Variants in MAPK6 observed in about 807,000 individuals in gnomAD.
MAPK6 encodes the protein ERK-3.
In MAPK6, 19 loss-of-function variants were observed where a neutral mutation model predicts 59.3. The observed-to-expected ratio is 0.32, with a 90% CI of 0.22 to 0.47. The LOEUF is 0.47. Ranked by LOEUF, MAPK6 falls within the 20% of genes least tolerant of loss-of-function variation. The probability of loss-of-function intolerance (pLI) is 1.00; values close to 1 mark genes in which losing one functional copy is unlikely to be tolerated. For missense variants in MAPK6, 724 were observed against 847.9 expected, an observed-to-expected ratio of 0.85 and a Z score of 1.81; for synonymous variants, 316 against 290.3, an observed-to-expected ratio of 1.09 and a Z score of -0.90.
At chr15:51,991,404 T>C (rs941264490) in intron 2 of MAPK6, among the ~76,000 whole-genome samples, 1 of 152,056 alleles carries the variant, frequency 6.6e-6, no homozygotes, top group South Asian at 2.1e-4. Flanking sequence ...AGATAGAAAA[T>C]TTAGGTCTCA....
intron 3 of MAPK6, among the ~76,000 whole-genome samples, chr15:52,057,461 C>G (rs529744105): frequency 5.9e-5 from 9 of 152,296 alleles, no homozygotes; most frequent in Admixed American, 1.3e-4. Flanking sequence ...GGGCTTCTCT[C>G]CATCTTCCTA....
chr15:52,016,107 C>CACAA (rs1267339787), upstream of MAPK6, among the ~76,000 whole-genome samples: 281 of 136,262 alleles, frequency 2.1e-3, 1 homozygote, highest in East Asian at 6.6e-3. Flanking sequence ...CACACACACA[C>CACAA]AAACTAAAAC....
At chr15:51,979,306 C>T (rs1459101203) in intron 1 of MAPK6, among the ~76,000 whole-genome samples, 1 of 151,434 alleles carries the variant, frequency 6.6e-6, no homozygotes, top group African/African-American at 2.4e-5. Flanking sequence ...AAACTTTGCC[C>T]TAAGCTACAC....
At chr15:51,974,099 G>A (rs1288823766) in intron 1 of MAPK6, among the ~76,000 whole-genome samples, 1 of 151,772 alleles carries the variant, frequency 6.6e-6, no homozygotes, top group Non-Finnish European at 1.5e-5. Context: ...TTTGATTGAA[G>A]TTTATTTTAT....
At chr15:51,995,015 A>AT (rs1399108941) in intron 2 of MAPK6, among the ~76,000 whole-genome samples, 1 of 152,232 alleles carries the variant, frequency 6.6e-6, no homozygotes, top group Non-Finnish European at 1.5e-5. Flanking sequence ...TTAGCAAGAA[A>AT]TACTAAAGTA....
chr15:51,989,995 A>G (rs545858043), intron 2 of MAPK6, among the ~76,000 whole-genome samples: 45 of 152,246 alleles, frequency 3.0e-4, no homozygotes, highest in Non-Finnish European at 2.4e-4. Flanking sequence ...CAGTAGAACC[A>G]AGCATGAGGA....
chr15:51,978,640 G>T (rs865916803), intron 1 of MAPK6, among the ~76,000 whole-genome samples: 1 of 151,390 alleles, frequency 6.6e-6, no homozygotes, highest in Non-Finnish European at 1.5e-5. Flanking sequence ...GAGATTTTTT[G>T]GGGGGATTAC....
intron 3 of MAPK6, among the ~76,000 whole-genome samples, chr15:52,051,604 T>C (rs749478333): frequency 2.4e-4 from 37 of 152,192 alleles, no homozygotes; most frequent in Non-Finnish European, 4.4e-4. Context: ...CTGGGCTCAG[T>C]GTCTCACGCC....
chr15:52,003,237 G>A (rs941586453), intron 2 of MAPK6, among the ~76,000 whole-genome samples: 2 of 152,006 alleles, frequency 1.3e-5, no homozygotes, highest in Non-Finnish European at 2.9e-5. Context: ...GATCTCGTGA[G>A]AACTCATTCA....
intron 2 of MAPK6, among the ~76,000 whole-genome samples, chr15:51,997,366 G>A (rs987837516): frequency 6.6e-6 from 1 of 150,920 alleles, no homozygotes; most frequent in Admixed American, 6.6e-5. Flanking sequence ...CTGCCTCCCG[G>A]GTTCAAATGA....
In MAPK6 at chr15:51,975,265, G is replaced by A. The variant is rs141827612; in HGVS notation, c.-880+3359G>A. ...TAATCAAAAAAATACTCAACAGGCCGGGCGCGGTGGCTCACGCCTGTAATC... is the reference window on the plus strand; with the variant it reads ...TAATCAAAAAAATACTCAACAGGCCAGGCGCGGTGGCTCACGCCTGTAATC... On this transcript the variant is annotated intron_variant, in intron 1 of 7. Transcript: ENST00000691380. Among the ~76,000 whole-genome samples the A allele has an allele frequency of 6.4e-3, 977 of 151,784 alleles. 16 individuals carry two copies. The highest frequency in any genetic ancestry group is 0.021 in the African/African-American group (855 of 41,498).
At chr15:52,000,241 G>A (rs78976731) in intron 2 of MAPK6, among the ~76,000 whole-genome samples, 2,838 of 152,114 alleles carry the variant, frequency 0.019, 94 homozygotes, top group African/African-American at 0.065. Context: ...ACCTGGCCTC[G>A]TTTTCACTTT....
chr15:52,041,657 G>A (rs1466464839), intron 1 of MAPK6, among the ~76,000 whole-genome samples: 3 of 152,186 alleles, frequency 2.0e-5, no homozygotes, highest in Non-Finnish European at 4.4e-5. Flanking sequence ...TGTGAAAGTT[G>A]GAGGTAGTTA....
intron 1 of MAPK6, among the ~76,000 whole-genome samples, chr15:51,972,500 G>A (rs974824977): frequency 1.4e-5 from 2 of 141,598 alleles, no homozygotes; most frequent in Non-Finnish European, 3.1e-5. Flanking sequence ...TAATATACAT[G>A]TTAACAAACA....
upstream of MAPK6, among the ~76,000 whole-genome samples, chr15:52,015,336 G>A (rs1046098200): frequency 2.6e-5 from 4 of 151,872 alleles, no homozygotes; most frequent in South Asian, 2.1e-4. Flanking sequence ...TAGTAGAGAC[G>A]GGGTTTCACC....
chr15:52,012,811 A>C (rs2030090151), intron 3 of MAPK6, among the ~76,000 whole-genome samples: 1 of 150,714 alleles, frequency 6.6e-6, no homozygotes, highest in South Asian at 2.1e-4. Context: ...ATATGGTGAA[A>C]CCTCGTCTTT....
intron 2 of MAPK6, among the ~76,000 whole-genome samples, chr15:51,991,770 G>T (rs2057209525): frequency 6.6e-6 from 1 of 152,236 alleles, no homozygotes; most frequent in African/African-American, 2.4e-5. Context: ...GACCTGTGGA[G>T]ATGCAGTGGG....
chr15:52,014,152 C>T (rs2030168525), intron 3 of MAPK6, among the ~76,000 whole-genome samples: 1 of 151,812 alleles, frequency 6.6e-6, no homozygotes, highest in South Asian at 2.1e-4. Flanking sequence ...CGGTTCTTAT[C>T]AATTGTTCCT....
At chr15:51,974,103 A>T (rs915370309) in intron 1 of MAPK6, among the ~76,000 whole-genome samples, 6 of 151,834 alleles carry the variant, frequency 4.0e-5, no homozygotes, top group Admixed American at 2.6e-4. Context: ...ATTGAAGTTT[A>T]TTTTATTTTT....
Sources: gnomAD v4.1 joint callset for allele counts (sites outside exome capture counted in the v4.1 genomes callset) on GRCh38, gnomAD v4.1.1 for gene constraint, MANE v1.5 for transcripts, NCBI Gene and HGNC (gene_info 2026-07-23, HGNC 2026-07-21) for gene names.